The following INPP4B variants were observed in gnomAD, a reference collection of about 807,000 sequenced individuals.
INPP4B encodes inositol polyphosphate-4-phosphatase type II B.
INPP4B carries 55 observed loss-of-function variants against 122.5 expected under a neutral mutation model. That is an observed-to-expected ratio of 0.45 (90% CI 0.36 to 0.56). The LOEUF (loss-of-function observed/expected upper bound fraction) is 0.56, where lower values mean the gene tolerates loss of function less well. Ranked by LOEUF, INPP4B falls within the 20% of genes least tolerant of loss-of-function variation. The pLI is 0.00. For synonymous variants in INPP4B, 403 were observed against 388.7 expected, an observed-to-expected ratio of 1.04 and a Z score of -0.43; for missense variants, 1,000 against 1,097.7, an observed-to-expected ratio of 0.91 and a Z score of 1.26.
chr4:142,319,407 G>A (rs1769161356), intron 7 of INPP4B, among the ~76,000 whole-genome samples: 1 of 152,136 alleles, frequency 6.6e-6, no homozygotes, highest in Non-Finnish European at 1.5e-5. Context: ...CCTCAAATTA[G>A]AATATATCAT....
At chr4:142,429,783 A>G (rs1808891613) in intron 4 of INPP4B, among the ~76,000 whole-genome samples, 1 of 152,096 alleles carries the variant, frequency 6.6e-6, no homozygotes, top group Non-Finnish European at 1.5e-5. Context: ...AGATGGCTAA[A>G]TAATTTAAGA....
intron 2 of INPP4B, among the ~76,000 whole-genome samples, chr4:142,479,347 T>G (rs1418488178): frequency 6.6e-6 from 1 of 152,158 alleles, no homozygotes; most frequent in African/African-American, 2.4e-5. Flanking sequence ...AAGACAACAC[T>G]TAGACACTGC....
intron 2 of INPP4B, among the ~76,000 whole-genome samples, chr4:142,639,564 T>C (rs1267477237): frequency 6.6e-6 from 1 of 152,158 alleles, no homozygotes; most frequent in Non-Finnish European, 1.5e-5. Context: ...TTTATAAATA[T>C]TGACTCTGCC....
chr4:142,693,003 T>A (rs1760445042), intron 2 of INPP4B, among the ~76,000 whole-genome samples: 1 of 148,976 alleles, frequency 6.7e-6, no homozygotes, highest in Non-Finnish European at 1.5e-5. Context: ...AACAACTTGA[T>A]GCCTTAAAAA....
At chr4:142,740,659 C>T (rs1192982100) in intron 1 of INPP4B, among the ~76,000 whole-genome samples, 3 of 151,814 alleles carry the variant, frequency 2.0e-5, no homozygotes, top group African/African-American at 7.3e-5. Flanking sequence ...GAGTTTACAA[C>T]ACTCAAAAGC....
At chr4:142,813,949 G>T (rs1779818797) in intron 1 of INPP4B, among the ~76,000 whole-genome samples, 2 of 152,276 alleles carry the variant, frequency 1.3e-5, no homozygotes, top group South Asian at 4.2e-4. Context: ...CAAATCACCA[G>T]ACTGCTCCCA....
chr4:142,829,397 G>A (rs1217948344), intron 1 of INPP4B, among the ~76,000 whole-genome samples: 1 of 152,144 alleles, frequency 6.6e-6, no homozygotes, highest in African/African-American at 2.4e-5. Context: ...CTTTTGCCCT[G>A]TGAGGTCCCC....
chr4:142,059,243 G>A (rs1759341395), intron 25 of INPP4B, among the ~76,000 whole-genome samples: 4 of 152,100 alleles, frequency 2.6e-5, no homozygotes, highest in Admixed American at 6.6e-5. Context: ...CCTGTGGGTG[G>A]AGGGTGTTCT....
In INPP4B at chr4:142,591,248, G is replaced by A. The variant is rs556278192; in HGVS notation, c.-190-128522C>T. Among the ~76,000 whole-genome samples, 16 of 151,928 alleles carry A rather than the reference G, an allele frequency of 1.1e-4. No individual in the cohort carries two copies. In the East Asian group the frequency reaches 1.7e-3, roughly 17 times the overall value. ...TGCAGTGAGCTAAGATCGAGCCACC[G>A]CACTCCAGCCTGAGCAACAGAGCAA... On this transcript the variant is annotated intron_variant, in intron 2 of 25. Coordinates refer to ENST00000262992, the MANE Select transcript of INPP4B (RefSeq NM_001101669.3).
intron 5 of INPP4B, among the ~76,000 whole-genome samples, chr4:142,419,947 A>G (rs1031444799): frequency 6.6e-6 from 1 of 152,070 alleles, no homozygotes; most frequent in Non-Finnish European, 1.5e-5. Context: ...TGATTCCTCA[A>G]TTACCCCTAA....
chr4:142,649,619 T>C (rs1001788488), intron 2 of INPP4B, among the ~76,000 whole-genome samples: 9 of 152,238 alleles, frequency 5.9e-5, no homozygotes, highest in Admixed American at 3.9e-4. Context: ...GTATCAGTGA[T>C]TGAAGATCAA....
intron 25 of INPP4B, among the ~76,000 whole-genome samples, chr4:142,050,618 G>A (rs575435072): frequency 5.1e-4 from 78 of 152,000 alleles, no homozygotes; most frequent in African/African-American, 1.6e-3. Flanking sequence ...GGTCTGAATC[G>A]GGCTTATTCT....
chr4:142,171,217 C>G (rs1432776951), intron 16 of INPP4B, among the ~76,000 whole-genome samples: 1 of 151,768 alleles, frequency 6.6e-6, no homozygotes, highest in Non-Finnish European at 1.5e-5. Context: ...GGCCCCAAGT[C>G]TACAACAGTA....
rs866865330 is a variant in INPP4B at position 142,472,499 on chromosome 4, A to G, written c.-190-9773T>C. 5.9e-5 allele frequency among the ~76,000 whole-genome samples: 9 copies of G among 152,314 alleles called. 1 individual carries two copies. The highest frequency in any genetic ancestry group is 2.1e-4 in the South Asian group (1 of 4,826). ...TATGACTGTTAAAAGTTCCTCTTTA[A>G]TACTGAAAAAGAAAATATATTTCTG... On this transcript the variant is annotated intron_variant, in intron 2 of 25. Transcript: ENST00000262992.
intron 2 of INPP4B, among the ~76,000 whole-genome samples, chr4:142,625,486 CACAA>C (rs1746134515): frequency 6.6e-6 from 1 of 152,018 alleles, no homozygotes; most frequent in Non-Finnish European, 1.5e-5. Flanking sequence ...TAAAAGAGGA[CACAA>C]ACAAATAGAA....
chr4:142,770,094 A>G (rs1428255259), intron 1 of INPP4B, among the ~76,000 whole-genome samples: 1 of 152,042 alleles, frequency 6.6e-6, no homozygotes, highest in South Asian at 2.1e-4. Context: ...TTCTGGTATG[A>G]CGTGTGGTGT....
chr4:142,098,979 T>C (rs1056481660), intron 23 of INPP4B, among the ~76,000 whole-genome samples: 1 of 152,060 alleles, frequency 6.6e-6, no homozygotes, highest in African/African-American at 2.4e-5. Flanking sequence ...GAAGCAGCCA[T>C]AGAGCAGGAG....
At chr4:142,383,303 G>A (rs1248657456) in intron 7 of INPP4B, among the ~76,000 whole-genome samples, 4 of 151,954 alleles carry the variant, frequency 2.6e-5, no homozygotes, top group Admixed American at 2.0e-4. Context: ...AATATACTTT[G>A]GAAGCTTTCT....
chr4:142,445,278 A>G lies in INPP4B; in HGVS notation c.-126-13893T>C, dbSNP rs575700221. Among the ~76,000 whole-genome samples the G allele has an allele frequency of 3.3e-5, 5 of 152,140 alleles. No individual in the cohort carries two copies. The South Asian group carries it at 6.2e-4, about 19-fold the overall frequency. ...AAGAGATCCACAGTAGACTGTGACA[A>G]TTCAAGCAGTCTAGTACATATGTTA... is the stretch of plus-strand genomic sequence containing the variant. On this transcript the variant is annotated intron_variant, in intron 3 of 25. Transcript: ENST00000262992.
Sources: allele counts gnomAD v4.1 joint callset (sites outside exome capture counted in the v4.1 genomes callset), GRCh38; gene constraint gnomAD v4.1.1; transcripts MANE v1.5; gene names NCBI Gene and HGNC (gene_info 2026-07-23, HGNC 2026-07-21).